TMEM143: variants seen among roughly 807,000 people sequenced by gnomAD.
TMEM143 encodes transmembrane protein 143.
TMEM143 carries 45 observed loss-of-function variants against 40.3 expected under a neutral mutation model. The ratio of observed to expected loss-of-function variants is 1.12; its 90% CI spans 0.88 to 1.43. The LOEUF (loss-of-function observed/expected upper bound fraction) is 1.43, where lower values mean the gene tolerates loss of function less well. TMEM143 is among the 40% of genes most tolerant of loss of function. The pLI is 0.00. For missense variants in TMEM143, 620 were observed against 613.4 expected (o/e 1.01, Z -0.11); for synonymous variants, 299 against 282.7 (o/e 1.06, Z -0.58).
intron 3 of TMEM143, among the ~76,000 whole-genome samples, chr19:48,353,645 A>G (rs1297763089): frequency 6.6e-6 from 1 of 151,918 alleles, no homozygotes; most frequent in Non-Finnish European, 1.5e-5. Context: ...AAAAATTTAC[A>G]TCCCTTTGGA....
chr19:48,359,237 G>A (rs930478783), intron 3 of TMEM143, among the ~76,000 whole-genome samples: 1 of 151,938 alleles, frequency 6.6e-6, no homozygotes, highest in Non-Finnish European at 1.5e-5. Context: ...GGCCCAGTAC[G>A]ATCTGTCCCC....
chr19:48,352,206 C>T (rs1969788755), intron 3 of TMEM143, among the ~76,000 whole-genome samples: 1 of 128,254 alleles, frequency 7.8e-6, no homozygotes, highest in South Asian at 2.6e-4. Context: ...GAGATCAAGC[C>T]ACTGCCCTCC....
intron 3 of TMEM143, among the ~76,000 whole-genome samples, chr19:48,353,765 G>A (rs1246430200): frequency 1.3e-5 from 2 of 151,410 alleles, no homozygotes; most frequent in Admixed American, 6.6e-5. Context: ...CAATGAGAGT[G>A]TCCTTATAAG....
chr19:48,362,345 G>T (rs542090777), intron 2 of TMEM143, among the ~76,000 whole-genome samples: 2 of 152,186 alleles, frequency 1.3e-5, no homozygotes, highest in East Asian at 3.9e-4. Flanking sequence ...TTCGAGACCA[G>T]CCTGGCCAAC....
At chr19:48,354,302 T>C (rs1340116361) in intron 3 of TMEM143, among the ~76,000 whole-genome samples, 9 of 146,280 alleles carry the variant, frequency 6.2e-5, no homozygotes. Context: ...TCTTGCTCTG[T>C]CACCCAGGCT....
At chr19:48,349,894 T>C (rs1707019335) in intron 3 of TMEM143, among the ~76,000 whole-genome samples, 1 of 151,972 alleles carries the variant, frequency 6.6e-6, no homozygotes, top group Non-Finnish European at 1.5e-5. Context: ...ACACTGGCCA[T>C]AGGTGGCTAC....
intron 3 of TMEM143, among the ~76,000 whole-genome samples, chr19:48,355,068 G>C (rs528621462): frequency 1.6e-4 from 24 of 151,740 alleles, no homozygotes; most frequent in Admixed American, 1.1e-3. Context: ...CCAGGCTGGA[G>C]TGCAGTGGCG....
At chr19:48,337,604 A>ACCAAAC (rs1969400684) in intron 6 of TMEM143, among the ~76,000 whole-genome samples, 1 of 151,528 alleles carries the variant, frequency 6.6e-6, no homozygotes, top group Non-Finnish European at 1.5e-5. Context: ...AGAAACACTT[A>ACCAAAC]CCAAACATCA....
At chr19:48,357,167 G>A (rs562416108) in intron 3 of TMEM143, among the ~76,000 whole-genome samples, 1 of 151,588 alleles carries the variant, frequency 6.6e-6, no homozygotes, top group African/African-American at 2.4e-5. Context: ...ATGCTGGCAA[G>A]GCTGGTCTCG....
Position 48,360,105 on chromosome 19 carries a change from C to G in TMEM143, c.336G>C (p.Leu112=). 1 of 1,614,152 alleles carries G rather than the reference C, an allele frequency of 6.2e-7. No individual in the cohort carries two copies. Among genetic ancestry groups the G allele is most frequent in the Non-Finnish European group, 8.5e-7 (1 of 1,180,016 alleles). ...GGGCCAGGATTTGGTGGTAGTGGAA[C>G]AGGGTGCAGAAGTCCACGTGGGCCG... ...AFSAHVDFCT[L]FHYHQILARL... is the part of the protein sequence containing the mutation. The change falls in exon 3 of 8, where the codon CTG becomes CTC. Residue 112 remains leucine (L), a synonymous_variant. Coordinates refer to ENST00000293261, the MANE Select transcript of TMEM143 (RefSeq NM_018273.4).
rs115993112 is a variant in TMEM143, at chr19:48,342,410, G to A, written c.975+120C>T. On this transcript the variant is annotated intron_variant, in intron 6 of 7. Coordinates refer to ENST00000293261, the MANE Select transcript of TMEM143 (RefSeq NM_018273.4). Reference sequence around the variant, plus strand: ...GAGGAAGAATGGGAAGGAAGGAAGGGAGGGAGGGAGGGAGGAGAGCATGAC... The same window carrying A: ...GAGGAAGAATGGGAAGGAAGGAAGGAAGGGAGGGAGGGAGGAGAGCATGAC... The A allele has an allele frequency of 2.4e-3, 2,508 of 1,063,622 alleles. 66 individuals carry two copies. The African/African-American group carries it at 0.041, about 17-fold the overall frequency. The allele number at this position is 1,063,622 out of a possible 1,614,324, so 65.9% of individuals were successfully genotyped here. A position where few individuals can be genotyped will look rare whatever the true frequency, so the allele number is the denominator to read the frequency against.
chr19:48,358,803 C>A (rs537865453), intron 3 of TMEM143, among the ~76,000 whole-genome samples: 1 of 152,350 alleles, frequency 6.6e-6, no homozygotes, highest in South Asian at 2.1e-4. Context: ...ATCCTGTTAA[C>A]ACCTAAATCC....
rs561142628 is a variant in TMEM143, at chr19:48,339,507, G to A, written c.975+3023C>T. On this transcript the variant is annotated intron_variant, in intron 6 of 7. Transcript: ENST00000293261. Reference sequence around the variant, plus strand: ...GCTCTGAGTGCCTGTTCCAAGGTGAGATGGGGAACTTGAGAGGAGCAGGAG... The same window carrying A: ...GCTCTGAGTGCCTGTTCCAAGGTGAAATGGGGAACTTGAGAGGAGCAGGAG... Among the ~76,000 whole-genome samples, 13 of 152,278 alleles carry A rather than the reference G, an allele frequency of 8.5e-5. No individual in the cohort carries two copies. In the East Asian group the frequency reaches 2.3e-3, roughly 27 times the overall value.
rs766724476 is a variant in TMEM143, at chr19:48,363,430, C to T, written c.125G>A (p.Arg42Gln). 1.2e-6 allele frequency: 2 copies of T among 1,613,742 alleles called. No homozygotes were observed. The highest frequency in any genetic ancestry group is 1.1e-5 in the South Asian group (1 of 91,074). ...PLLPALLGPPRALSSLAAKMG... is the reference protein window; with the variant it reads ...PLLPALLGPPQALSSLAAKMG... ...TTTGGCTGCCAGCGATGAGAGGGCC[C>T]GGGGGGGCCCGAGGAGCGCGGGCAA... Residue 42 changes from arginine (R) to glutamine (Q), a missense_variant, in exon 2 of 8, where the codon CGG becomes CAG. Arg to Gln is a conservative substitution (Grantham distance 43). Coordinates refer to ENST00000293261, the MANE Select transcript of TMEM143 (RefSeq NM_018273.4).
intron 4 of TMEM143, 129 bp downstream of exon 4, chr19:48,345,031 C>T (rs1024142437): frequency 1.0e-6 from 1 of 999,554 alleles, no homozygotes; most frequent in South Asian, 1.7e-5. Flanking sequence ...TCTCTGAGTT[C>T]ACCAAGTGCG....
At chr19:48,334,297 C>G (rs1026773471) in intron 6 of TMEM143, 100 bp from the exon 7 acceptor site, 95 of 1,335,880 alleles carry the variant, frequency 7.1e-5, no homozygotes, top group Non-Finnish European at 9.1e-5. Context: ...ACGCCGCTTA[C>G]TCCCCTGAGG....
At chr19:48,339,789 C>T (rs990560748) in intron 6 of TMEM143, among the ~76,000 whole-genome samples, 36 of 152,088 alleles carry the variant, frequency 2.4e-4, no homozygotes, top group South Asian at 4.2e-4. Context: ...AATGCAGTGG[C>T]GCAATCTCAG....
At chr19:48,334,451 T>G (rs1181396752) in intron 6 of TMEM143, among the ~76,000 whole-genome samples, 1 of 46,430 alleles carries the variant, frequency 2.2e-5, no homozygotes, top group African/African-American at 8.7e-5. Flanking sequence ...TCTTTCTTTC[T>G]TTCTTTCTTT....
In TMEM143 at chr19:48,344,696, T is replaced by C. The variant is rs564894519; in HGVS notation, c.564+464A>G. On this transcript the variant is annotated intron_variant, in intron 4 of 7. Coordinates refer to ENST00000293261, the MANE Select transcript of TMEM143 (RefSeq NM_018273.4). ...TCCAACAGATGGCAGTGAAGTGACCTGAGACAGCAGCACCTCCTTTTTTTT... is the reference window on the plus strand; with the variant it reads ...TCCAACAGATGGCAGTGAAGTGACCCGAGACAGCAGCACCTCCTTTTTTTT... 2.0e-5 allele frequency among the ~76,000 whole-genome samples: 3 copies of C among 152,194 alleles called. No homozygotes were observed. In the South Asian group the frequency reaches 6.2e-4, roughly 32 times the overall value.
Sources: gnomAD v4.1 joint callset for allele counts (sites outside exome capture counted in the v4.1 genomes callset) on GRCh38, gnomAD v4.1.1 for gene constraint, MANE v1.5 for transcripts, NCBI Gene and HGNC (gene_info 2026-07-23, HGNC 2026-07-21) for gene names.